Variants in NRXN1 observed in about 807,000 individuals in gnomAD.
NRXN1 encodes the protein neurexin-1.
NRXN1 carries 39 observed loss-of-function variants against 150.9 expected under a neutral mutation model. That is an observed-to-expected ratio of 0.26 (90% CI 0.20 to 0.34). NRXN1 has a LOEUF of 0.34. Ranked by LOEUF, NRXN1 falls within the 10% of genes least tolerant of loss-of-function variation. NRXN1 has a pLI of 1.00. For missense variants in NRXN1, 1,815 were observed against 1,949.9 expected (o/e 0.93, Z 1.30); for synonymous variants, 924 against 757.0 (o/e 1.22, Z -3.62).
chr2:50,852,297 C>G (rs1382426104), intron 5 of NRXN1, among the ~76,000 whole-genome samples: 1 of 151,808 alleles, frequency 6.6e-6, no homozygotes, highest in Non-Finnish European at 1.5e-5. Context: ...CCCTATCAGG[C>G]AAAAAAGGCA....
intron 17 of NRXN1, among the ~76,000 whole-genome samples, chr2:50,391,216 A>G (rs995183410): frequency 6.6e-6 from 1 of 151,990 alleles, no homozygotes; most frequent in Non-Finnish European, 1.5e-5. Context: ...GCAGAAAGAA[A>G]AAAAAGCAAG....
intron 2 of NRXN1, among the ~76,000 whole-genome samples, chr2:51,019,893 G>T (rs1413033731): frequency 2.0e-5 from 3 of 151,804 alleles, no homozygotes; most frequent in African/African-American, 7.3e-5. Flanking sequence ...TCATAAATAG[G>T]TCTGCTCTCT....
chr2:50,236,141 T>A (rs1385237698), intron 18 of NRXN1, among the ~76,000 whole-genome samples: 1 of 152,054 alleles, frequency 6.6e-6, no homozygotes, highest in Non-Finnish European at 1.5e-5. Context: ...TTCTTTGCTA[T>A]CTATTATATG....
At chr2:50,502,116 T>C (rs998112317) in intron 13 of NRXN1, among the ~76,000 whole-genome samples, 1 of 152,096 alleles carries the variant, frequency 6.6e-6, no homozygotes, top group African/African-American at 2.4e-5. Context: ...AAGCCTTTTA[T>C]GTACTACGTA....
intron 5 of NRXN1, among the ~76,000 whole-genome samples, chr2:50,706,264 G>C (rs1178113367): frequency 6.6e-6 from 1 of 152,038 alleles, no homozygotes; most frequent in Non-Finnish European, 1.5e-5. Flanking sequence ...CTAACTCCAG[G>C]GTACTTTTTG....
chr2:49,925,592 AC>A (rs1363126811), intron 22 of NRXN1, among the ~76,000 whole-genome samples: 2 of 152,166 alleles, frequency 1.3e-5, no homozygotes, highest in African/African-American at 4.8e-5. Context: ...AAAAAGAGAA[AC>A]ATAATTAATT....
At chr2:50,350,459 A>G (rs573719561) in intron 17 of NRXN1, among the ~76,000 whole-genome samples, 5 of 152,204 alleles carry the variant, frequency 3.3e-5, no homozygotes, top group Non-Finnish European at 7.4e-5. Flanking sequence ...AAGGAAGCCA[A>G]TAGTCTTGTT....
At chr2:49,978,050 T>C (rs1263517820) in intron 21 of NRXN1, among the ~76,000 whole-genome samples, 1 of 151,916 alleles carries the variant, frequency 6.6e-6, no homozygotes, top group African/African-American at 2.4e-5. Flanking sequence ...TAATCCCAGC[T>C]ACTTGGGAGG....
intron 17 of NRXN1, among the ~76,000 whole-genome samples, chr2:50,431,324 A>C (rs527550112): frequency 1.3e-5 from 2 of 152,258 alleles, no homozygotes; most frequent in South Asian, 4.1e-4. Flanking sequence ...TTCTTTGACC[A>C]GTGACCTGAC....
intron 22 of NRXN1, among the ~76,000 whole-genome samples, chr2:49,936,593 G>A (rs1228309938): frequency 6.6e-6 from 1 of 152,084 alleles, no homozygotes; most frequent in African/African-American, 2.4e-5. Flanking sequence ...GGAAAGGGCT[G>A]CGTCTCAAAT....
intron 2 of NRXN1, among the ~76,000 whole-genome samples, chr2:50,955,663 G>A (rs1436824452): frequency 6.6e-6 from 1 of 152,200 alleles, no homozygotes; most frequent in East Asian, 1.9e-4. Context: ...CAGACAGTTA[G>A]ATAACAGCAA....
intron 17 of NRXN1, among the ~76,000 whole-genome samples, chr2:50,323,903 G>A (rs1335170759): frequency 1.3e-5 from 2 of 152,094 alleles, no homozygotes; most frequent in Admixed American, 6.5e-5. Context: ...AGGAAAGGGG[G>A]GTACCAACCG....
chr2:50,020,052 T>C (rs919546257), intron 21 of NRXN1, among the ~76,000 whole-genome samples: 1 of 151,328 alleles, frequency 6.6e-6, no homozygotes, highest in Admixed American at 6.6e-5. Flanking sequence ...AGTGCACTAT[T>C]GAAGCTCAGG....
intron 17 of NRXN1, among the ~76,000 whole-genome samples, chr2:50,421,716 A>G (rs1489013150): frequency 6.6e-6 from 1 of 152,162 alleles, no homozygotes; most frequent in African/African-American, 2.4e-5. Flanking sequence ...AGAGCAATTC[A>G]ATGTATTTTG....
At chr2:51,025,807 C>T (rs1461589320) in intron 2 of NRXN1, among the ~76,000 whole-genome samples, 1 of 152,126 alleles carries the variant, frequency 6.6e-6, no homozygotes, top group Non-Finnish European at 1.5e-5. Context: ...ACTGTAAAGC[C>T]TGCTCTCATA....
At chr2:50,876,736 A>G (rs1024847738) in intron 5 of NRXN1, among the ~76,000 whole-genome samples, 1 of 151,812 alleles carries the variant, frequency 6.6e-6, no homozygotes, top group Admixed American at 6.6e-5. Flanking sequence ...ACATTTGCCT[A>G]CCGTTCGGCT....
chr2:50,824,298 T>C (rs1670140666), intron 5 of NRXN1, among the ~76,000 whole-genome samples: 1 of 109,892 alleles, frequency 9.1e-6, no homozygotes, highest in African/African-American at 2.8e-5. Context: ...TTCAAACCCT[T>C]TGAGTGTGTG....
At chr2:50,144,323 C>T (rs1187854843) in intron 18 of NRXN1, among the ~76,000 whole-genome samples, 1 of 151,818 alleles carries the variant, frequency 6.6e-6, no homozygotes, top group African/African-American at 2.4e-5. Context: ...GCCCACGCTA[C>T]CACCACTCTG....
Position 50,074,795 on chromosome 2 carries a change from A to G in NRXN1, c.3718+16528T>C, listed in dbSNP as rs148951713. ...TCATGCTATTTCCTTTCTAAAGTAA[A>G]TGTAAAAAGTATGGAAAGAGCATCA... On this transcript the variant is annotated intron_variant, in intron 19 of 22. Coordinates refer to ENST00000401669, the MANE Select transcript of NRXN1 (RefSeq NM_001330078.2). Among the ~76,000 whole-genome samples the G allele has an allele frequency of 6.4e-3, 982 of 152,322 alleles. 4 individuals carry two copies. Among genetic ancestry groups the G allele is most frequent in the South Asian group, 0.019 (91 of 4,832 alleles).
Sources: gnomAD v4.1 joint callset for allele counts (sites outside exome capture counted in the v4.1 genomes callset) on GRCh38, gnomAD v4.1.1 for gene constraint, MANE v1.5 for transcripts, NCBI Gene and HGNC (gene_info 2026-07-23, HGNC 2026-07-21) for gene names.